The following MALRD1 variants were observed in gnomAD, a reference collection of about 807,000 sequenced individuals.
MALRD1 encodes the protein MAM and LDL-receptor class A domain-containing protein 1.
A neutral mutation model predicts 242.1 loss-of-function variants in MALRD1; 247 were observed. The observed-to-expected ratio is 1.02, with a 90% CI of 0.92 to 1.13. MALRD1 has a LOEUF of 1.13. Ranked by LOEUF, MALRD1 falls within the 50% of genes most tolerant of loss-of-function variation. The pLI is 0.00. For synonymous variants in MALRD1, 995 were observed against 866.6 expected, an observed-to-expected ratio of 1.15 and a Z score of -2.60; for missense variants, 2,989 against 2,533.1, an observed-to-expected ratio of 1.18 and a Z score of -3.86.
intron 39 of MALRD1, 137 bp from the exon 40 acceptor site, chr10:19,734,020 G>A: frequency 1.6e-6 from 1 of 624,524 alleles, no homozygotes; most frequent in Non-Finnish European, 2.7e-6. Flanking sequence ...GGTGCTGGAA[G>A]AAGAGTCAGG....
intron 28 of MALRD1, among the ~76,000 whole-genome samples, chr10:19,390,556 C>T (rs1275480724): frequency 6.6e-6 from 1 of 152,096 alleles, no homozygotes; most frequent in Non-Finnish European, 1.5e-5. Flanking sequence ...TGAGTTAAAA[C>T]AGTAGCCGAA....
chr10:19,508,206 T>C (rs1833229592), intron 31 of MALRD1, among the ~76,000 whole-genome samples: 1 of 152,112 alleles, frequency 6.6e-6, no homozygotes, highest in African/African-American at 2.4e-5. Flanking sequence ...TTCAAAGAGT[T>C]GTGGATGGAT....
chr10:19,693,643 ATG>A (rs1833215448), intron 38 of MALRD1, among the ~76,000 whole-genome samples: 1 of 152,198 alleles, frequency 6.6e-6, no homozygotes, highest in Non-Finnish European at 1.5e-5. Context: ...GAAAATGGCC[ATG>A]CTGCCCAAGG....
At chr10:19,580,444 C>T (rs1314655915) in intron 33 of MALRD1, among the ~76,000 whole-genome samples, 1 of 151,852 alleles carries the variant, frequency 6.6e-6, no homozygotes. Flanking sequence ...TTCACTTTTC[C>T]ACCTCAATCT....
chr10:19,691,062 C>T (rs1284757354), intron 36 of MALRD1, among the ~76,000 whole-genome samples: 1 of 151,916 alleles, frequency 6.6e-6, no homozygotes, highest in Non-Finnish European at 1.5e-5. Flanking sequence ...TAGATCATAC[C>T]AGTGTGTGCA....
chr10:19,634,642 C>G (rs1840046609), intron 36 of MALRD1, among the ~76,000 whole-genome samples: 1 of 152,162 alleles, frequency 6.6e-6, no homozygotes, highest in Non-Finnish European at 1.5e-5. Flanking sequence ...AAAAAATACA[C>G]ATGGGCTAAG....
chr10:19,483,624 TAGAA>T (rs1328734536), intron 29 of MALRD1, among the ~76,000 whole-genome samples: 1 of 152,132 alleles, frequency 6.6e-6, no homozygotes, highest in African/African-American at 2.4e-5. Flanking sequence ...TGGTTACTAT[TAGAA>T]AGCCAAAAAA....
At chr10:19,638,278 A>T (rs1415180572) in intron 36 of MALRD1, among the ~76,000 whole-genome samples, 2 of 151,992 alleles carry the variant, frequency 1.3e-5, no homozygotes, top group Non-Finnish European at 2.9e-5. Flanking sequence ...TTTTCCATGA[A>T]TTATATAAAC....
chr10:19,322,252 C>A (rs1268364405), intron 21 of MALRD1, among the ~76,000 whole-genome samples: 3 of 151,802 alleles, frequency 2.0e-5, no homozygotes, highest in Admixed American at 1.3e-4. Flanking sequence ...TCTGCGTATC[C>A]CTGTTATACT....
intron 18 of MALRD1, among the ~76,000 whole-genome samples, chr10:19,215,728 T>TTAGTTTATTTTGCTGCCAAAATTG (rs1564473159): frequency 8.7e-6 from 1 of 115,576 alleles, no homozygotes; most frequent in African/African-American, 3.0e-5. Flanking sequence ...TAAATTAGTA[T>TTAGTTTATTTTGCTGCCAAAATTG]AAATAATTTA....
At chr10:19,312,424 G>A (rs1189347722) in intron 21 of MALRD1, among the ~76,000 whole-genome samples, 5 of 149,260 alleles carry the variant, frequency 3.3e-5, no homozygotes, top group African/African-American at 1.2e-4. Context: ...GTGTGTGTGT[G>A]TGTGAGAGAG....
intron 26 of MALRD1, among the ~76,000 whole-genome samples, chr10:19,358,833 A>T (rs1844762822): frequency 6.6e-6 from 1 of 152,166 alleles, no homozygotes; most frequent in Non-Finnish European, 1.5e-5. Flanking sequence ...GATATTTTAT[A>T]CTTGCTGTTC....
intron 36 of MALRD1, among the ~76,000 whole-genome samples, chr10:19,686,429 A>G (rs185141076): frequency 7.2e-5 from 11 of 152,242 alleles, no homozygotes; most frequent in Non-Finnish European, 1.0e-4. Context: ...TACCAGTCCA[A>G]CATCCCTAGA....
chr10:19,136,511 C>T (rs1833345247), intron 9 of MALRD1, 63 bp from the exon 10 acceptor site: 23 of 936,074 alleles, frequency 2.5e-5, no homozygotes, highest in Non-Finnish European at 3.2e-5. Flanking sequence ...TATCAACCTT[C>T]TTTAGTTTTT....
rs369010992 is a variant in MALRD1, at chr10:19,647,960, G to A, written c.6137+32037G>A. On this transcript the variant is annotated intron_variant, in intron 36 of 39. Transcript: ENST00000454679. ...TGATTTTGCAGACTCTCTGCCTGGG[G>A]ATAATTTCCCAATTGTGGCACAGAA... is the stretch of plus-strand genomic sequence containing the variant. 2.7e-4 allele frequency among the ~76,000 whole-genome samples: 41 copies of A among 152,222 alleles called. 1 individual carries two copies. Among genetic ancestry groups the A allele is most frequent in the African/African-American group, 9.2e-4 (38 of 41,526 alleles).
At chr10:19,591,295 C>T (rs986992846) in intron 33 of MALRD1, among the ~76,000 whole-genome samples, 1 of 152,158 alleles carries the variant, frequency 6.6e-6, no homozygotes, top group Non-Finnish European at 1.5e-5. Flanking sequence ...TTATTATCAG[C>T]TCCAATATCT....
intron 28 of MALRD1, among the ~76,000 whole-genome samples, chr10:19,435,129 A>G (rs1377486361): frequency 6.7e-6 from 1 of 149,234 alleles, no homozygotes; most frequent in Non-Finnish European, 1.5e-5. Flanking sequence ...AATATATTTT[A>G]TAATATATAT....
At chr10:19,674,968 A>T (rs1372796693) in intron 36 of MALRD1, among the ~76,000 whole-genome samples, 2 of 151,428 alleles carry the variant, frequency 1.3e-5, no homozygotes, top group African/African-American at 2.4e-5. Flanking sequence ...ACATTTTTTT[A>T]AAAAAACTTT....
chr10:19,231,518 G>A (rs1379026533), intron 18 of MALRD1, among the ~76,000 whole-genome samples: 1 of 152,150 alleles, frequency 6.6e-6, no homozygotes, highest in African/African-American at 2.4e-5. Flanking sequence ...GAGTCAGGTG[G>A]AGATAATTGA....
Sources: allele counts gnomAD v4.1 joint callset (sites outside exome capture counted in the v4.1 genomes callset), GRCh38; gene constraint gnomAD v4.1.1; transcripts MANE v1.5; gene names NCBI Gene and HGNC (gene_info 2026-07-23, HGNC 2026-07-21).